COL18A1: variants seen among roughly 807,000 people sequenced by gnomAD.
The protein encoded by COL18A1 is collagen alpha-1(XVIII) chain.
Under a neutral mutation model 168.0 loss-of-function variants are expected in COL18A1, and 133 were observed. The observed-to-expected ratio is 0.79, with a 90% CI of 0.69 to 0.91. COL18A1 has a LOEUF of 0.91. Ranked by LOEUF, COL18A1 falls within the 40% of genes least tolerant of loss-of-function variation. COL18A1 has a pLI of 0.00. For synonymous variants in COL18A1, 949 were observed against 809.0 expected, an observed-to-expected ratio of 1.17 and a Z score of -2.94; for missense variants, 2,126 against 1,925.4, an observed-to-expected ratio of 1.10 and a Z score of -1.95.
chr21:45,492,558 A>C lies in COL18A1; in HGVS notation c.2181A>C (p.Gly727=). Residue 727 remains glycine, a synonymous_variant, in exon 23 of 42, where the codon GGA becomes GGC. Transcript: ENST00000651438. ...AGGGATCCGTCCTGAGCGTGCCGGGACCTGAGGTATGTGCCTGCCCAGCTT... is the reference window on the plus strand; with the variant it reads ...AGGGATCCGTCCTGAGCGTGCCGGGCCCTGAGGTATGTGCCTGCCCAGCTT... ...EQDGSVLSVP[G]PEGRPGFAGF... is the part of the protein sequence containing the mutation. 2 of 1,613,046 alleles carry C rather than the reference A, an allele frequency of 1.2e-6. No individual in the cohort carries two copies. Among genetic ancestry groups the C allele is most frequent in the Non-Finnish European group, 1.7e-6 (2 of 1,179,968 alleles).
In COL18A1 at chr21:45,490,282, T is replaced by C; in HGVS notation, c.1967T>C (p.Val656Ala). 9 of 1,583,596 alleles carry C rather than the reference T, an allele frequency of 5.7e-6. No homozygotes were observed. Among genetic ancestry groups the C allele is most frequent in the Non-Finnish European group, 7.7e-6 (9 of 1,165,884 alleles). Residue 656 changes from valine to alanine, a missense_variant, in exon 20 of 42, where the codon GTT becomes GCT. By Grantham distance (64) the Val-to-Ala change is moderately conservative. Transcript: ENST00000651438. ...VPGLPGAKGE[V>A]GADGVPGFPG... The stretch of plus-strand genomic sequence containing the variant: ...TCCATGTGACCCTTTCAGGGAGAAG[T>C]TGGAGCAGATGGAGTCCCCGGGTTC...
chr21:45,511,437 G>A (rs1299153629), intron 41 of COL18A1, among the ~76,000 whole-genome samples: 1 of 152,238 alleles, frequency 6.6e-6, no homozygotes, highest in Admixed American at 6.5e-5. Context: ...CCAGGTAGTT[G>A]TAAGAAGGCC....
In COL18A1 at chr21:45,505,192, C is replaced by T. The variant is rs1378687991; in HGVS notation, c.2927C>T (p.Pro976Leu). ...QPGPPGPQGP[P>L]GIGYEGRQGP... The stretch of plus-strand genomic sequence containing the variant: ...GGCCCACCTGGACCTCAGGGACCCC[C>T]CGGCATCGGCTACGAGGGGCGCCAG... The change falls in exon 35 of 42, where the codon CCC (proline) becomes CTC (leucine). Residue 976 changes from proline to leucine, a missense_variant. Coordinates refer to ENST00000651438, the MANE Select transcript of COL18A1 (RefSeq NM_001379500.1). 1 of 1,604,960 alleles carries T rather than the reference C, an allele frequency of 6.2e-7. No individual in the cohort carries two copies. Among genetic ancestry groups the T allele is most frequent in the South Asian group, 1.1e-5 (1 of 90,004 alleles).
chr21:45,486,150 C>T (rs1418846007), intron 15 of COL18A1, among the ~76,000 whole-genome samples: 1 of 152,226 alleles, frequency 6.6e-6, no homozygotes, highest in Non-Finnish European at 1.5e-5. Context: ...GGCTCGCCTG[C>T]TTCTCACGGC....
At position 45,512,792 on chromosome 21, in the gene COL18A1, T is replaced by C. The variant is rs2037688178; in HGVS notation, c.*394T>C. On this transcript the variant is annotated 3_prime_UTR_variant, in exon 42 of 42. Coordinates refer to ENST00000651438, the MANE Select transcript of COL18A1 (RefSeq NM_001379500.1). Reference sequence around the variant, plus strand: ...CATCTCCCACCTAGCAGCACCGTTCTGTGCACAAAACCCAGACCTGTTAGC... The same window carrying C: ...CATCTCCCACCTAGCAGCACCGTTCCGTGCACAAAACCCAGACCTGTTAGC... 3.1e-6 allele frequency: 1 copy of C among 326,712 alleles called. No homozygotes were observed. Among genetic ancestry groups the C allele is most frequent in the South Asian group, 2.7e-5 (1 of 37,086 alleles). The allele number at this position is 326,712 out of a possible 1,614,324, so 20.2% of individuals were successfully genotyped here.
At chr21:45,475,278 G>A (rs1295367288) in intron 4 of COL18A1, among the ~76,000 whole-genome samples, 198 bp from the exon 5 acceptor site, 1 of 152,226 alleles carries the variant, frequency 6.6e-6, no homozygotes, top group Non-Finnish European at 1.5e-5. Flanking sequence ...ACGACTTACT[G>A]AAGCTCAGAT....
At chr21:45,438,390 ACT>A (rs2034276697) in intron 2 of COL18A1, among the ~76,000 whole-genome samples, 1 of 151,542 alleles carries the variant, frequency 6.6e-6, no homozygotes, top group Non-Finnish European at 1.5e-5. Context: ...ACACTCACAC[ACT>A]CAGACCCTCA....
At chr21:45,405,863 C>T (rs1019124488) in intron 2 of COL18A1, among the ~76,000 whole-genome samples, 1 of 151,814 alleles carries the variant, frequency 6.6e-6, no homozygotes. Context: ...TGACCGCGGG[C>T]GGAAGGCGGC....
chr21:45,415,506 G>T (rs1038034805), intron 2 of COL18A1, among the ~76,000 whole-genome samples: 1 of 152,232 alleles, frequency 6.6e-6, no homozygotes, highest in Non-Finnish European at 1.5e-5. Context: ...AGGACCATGC[G>T]CAGGGGCGGC....
chr21:45,511,851 C>T (rs973923591), intron 41 of COL18A1, among the ~76,000 whole-genome samples: 1 of 152,162 alleles, frequency 6.6e-6, no homozygotes, highest in Non-Finnish European at 1.5e-5. Context: ...GCCAGGAGCC[C>T]GGGAGGCGGA....
chr21:45,437,221 C>A (rs2034143873), intron 2 of COL18A1, among the ~76,000 whole-genome samples: 1 of 119,220 alleles, frequency 8.4e-6, no homozygotes, highest in Non-Finnish European at 1.7e-5. Flanking sequence ...CACACACACA[C>A]ACAGACACAC....
intron 2 of COL18A1, among the ~76,000 whole-genome samples, chr21:45,445,349 G>A (rs2034481561): frequency 6.6e-6 from 1 of 152,222 alleles, no homozygotes; most frequent in Non-Finnish European, 1.5e-5. Context: ...CTGTGCTTAT[G>A]GATTCAGCAT....
Position 45,481,084 on chromosome 21 carries a change from G to A in COL18A1, c.1611+226G>A, listed in dbSNP as rs1048363769. Among the ~76,000 whole-genome samples the A allele has an allele frequency of 2.0e-5, 3 of 152,214 alleles. No homozygotes were observed. The East Asian group carries it at 5.8e-4, about 29-fold the overall frequency. On this transcript the variant is annotated intron_variant, in intron 13 of 41. Coordinates refer to ENST00000651438, the MANE Select transcript of COL18A1 (RefSeq NM_001379500.1). Reference sequence around the variant, plus strand: ...GTTCTAGGGGTGCTGACCAGTGGGGGTGACCGCAAGCAAGGCCTCCGACCT... The same window carrying A: ...GTTCTAGGGGTGCTGACCAGTGGGGATGACCGCAAGCAAGGCCTCCGACCT...
chr21:45,453,693 G>C (rs1301871169), intron 2 of COL18A1, among the ~76,000 whole-genome samples: 1 of 152,184 alleles, frequency 6.6e-6, no homozygotes, highest in African/African-American at 2.4e-5. Context: ...GGAATGGAGT[G>C]GGCAGGGGAA....
intron 2 of COL18A1, among the ~76,000 whole-genome samples, chr21:45,429,371 G>A (rs1341360880): frequency 2.6e-5 from 4 of 152,160 alleles, no homozygotes; most frequent in African/African-American, 4.8e-5. Flanking sequence ...GGTGATGGTC[G>A]CTGTCAGCGA....
intron 2 of COL18A1, among the ~76,000 whole-genome samples, chr21:45,417,916 G>A (rs111267837): frequency 0.029 from 4,476 of 152,332 alleles, 203 homozygotes; most frequent in African/African-American, 0.1. Flanking sequence ...CACCCACAGC[G>A]CAGCTGGCAG....
intron 2 of COL18A1, among the ~76,000 whole-genome samples, chr21:45,438,119 G>C (rs867666206): frequency 1.5e-5 from 1 of 67,330 alleles, no homozygotes; most frequent in African/African-American, 7.7e-5. Context: ...CAGACACACA[G>C]GCACTCTCCT....
At chr21:45,456,288 A>C in intron 2 of COL18A1, 1 of 1,566,792 alleles carries the variant, frequency 6.4e-7, no homozygotes, top group Non-Finnish European at 8.6e-7. Context: ...CAGCAGCTCC[A>C]ACGCCCTGAC....
At chr21:45,445,774 C>A (rs2034491024) in intron 2 of COL18A1, among the ~76,000 whole-genome samples, 1 of 152,134 alleles carries the variant, frequency 6.6e-6, no homozygotes, top group Non-Finnish European at 1.5e-5. Context: ...TATTCCGATT[C>A]TTGCCCACTT....
Sources: gnomAD v4.1 joint callset for allele counts (sites outside exome capture counted in the v4.1 genomes callset) on GRCh38, gnomAD v4.1.1 for gene constraint, MANE v1.5 for transcripts, NCBI Gene and HGNC (gene_info 2026-07-23, HGNC 2026-07-21) for gene names.